NOL4: variants seen among roughly 807,000 people sequenced by gnomAD.
NOL4 encodes the protein cancer/testis antigen 125.
Under a neutral mutation model 75.9 loss-of-function variants are expected in NOL4, and 17 were observed. The observed-to-expected ratio is 0.22, with a 90% confidence interval of 0.15 to 0.34. NOL4 has a LOEUF of 0.34. Among genes scored for constraint, NOL4 ranks in the 10% least tolerant of loss-of-function variants. NOL4 has a pLI of 1.00. For missense variants in NOL4, 614 were observed against 793.5 expected (o/e 0.77, Z 2.72); for synonymous variants, 292 against 289.9 (o/e 1.01, Z -0.07).
intron 9 of NOL4, among the ~76,000 whole-genome samples, chr18:33,916,820 C>T (rs2066748200): frequency 6.6e-6 from 1 of 152,074 alleles, no homozygotes; most frequent in Admixed American, 6.6e-5. Flanking sequence ...GTTTTTTAAT[C>T]TTCTAAACTT....
Position 33,944,450 on chromosome 18 carries a change from G to C in NOL4, c.1429-1272C>G, listed in dbSNP as rs531548615. On this transcript the variant is annotated intron_variant, in intron 8 of 10. Coordinates refer to ENST00000261592, the MANE Select transcript of NOL4 (RefSeq NM_003787.5). The stretch of plus-strand genomic sequence containing the variant: ...TAGACAGAGACCAGGCTCTGACCTT[G>C]GGTGAACTAGGAAGCAATTTCTGCA... Among the ~76,000 whole-genome samples, 4 of 151,928 alleles carry C rather than the reference G, an allele frequency of 2.6e-5. No homozygotes were observed. In the East Asian group the frequency reaches 7.8e-4, roughly 29 times the overall value.
At position 34,019,406 on chromosome 18, in the gene NOL4, T is replaced by G; in HGVS notation, c.968A>C (p.Asp323Ala). The change falls in exon 6 of 11, where the codon GAT becomes GCT. Residue 323 changes from aspartate (D) to alanine (A), a missense_variant. Transcript: ENST00000261592. ...AQLTSEYRID[D>A]HNSNGKNKYK... ...CTTGTTTTTCCCATTACTGTTGTGATCATCTATTCTGTATTCCGAAGTTAG... is the reference window on the plus strand; with the variant it reads ...CTTGTTTTTCCCATTACTGTTGTGAGCATCTATTCTGTATTCCGAAGTTAG... 6.2e-7 allele frequency: 1 copy of G among 1,614,060 alleles called. No individual in the cohort carries two copies. The highest frequency in any genetic ancestry group is 2.2e-5 in the East Asian group (1 of 44,846).
At chr18:34,074,778 T>C (rs1307379587) in intron 5 of NOL4, among the ~76,000 whole-genome samples, 27 of 152,124 alleles carry the variant, frequency 1.8e-4, no homozygotes, top group Admixed American at 1.7e-3. Flanking sequence ...AATAAAGTAG[T>C]ATTTCTGTTA....
chr18:33,987,069 T>C (rs1041824124), intron 6 of NOL4, among the ~76,000 whole-genome samples: 2 of 152,094 alleles, frequency 1.3e-5, no homozygotes, highest in Non-Finnish European at 2.9e-5. Flanking sequence ...GGGATATTTT[T>C]TGGGATTTTA....
At chr18:34,035,482 T>G (rs983506950) in intron 5 of NOL4, among the ~76,000 whole-genome samples, 7 of 152,070 alleles carry the variant, frequency 4.6e-5, no homozygotes, top group Non-Finnish European at 8.8e-5. Flanking sequence ...GAGGGAATAT[T>G]ATAGCAATAA....
intron 10 of NOL4, among the ~76,000 whole-genome samples, chr18:33,878,475 G>T (rs2064064346): frequency 6.6e-6 from 1 of 152,050 alleles, no homozygotes; most frequent in Admixed American, 6.6e-5. Flanking sequence ...TCCATGCTTA[G>T]GTTAATTCTC....
chr18:34,016,574 A>G (rs2074707947), intron 6 of NOL4, among the ~76,000 whole-genome samples: 1 of 152,024 alleles, frequency 6.6e-6, no homozygotes, highest in Admixed American at 6.6e-5. Flanking sequence ...TCTGTGCCTT[A>G]AAACATGCTT....
intron 1 of NOL4, among the ~76,000 whole-genome samples, chr18:34,171,158 A>G (rs765029094): frequency 6.6e-6 from 1 of 152,138 alleles, no homozygotes; most frequent in African/African-American, 2.4e-5. Context: ...TATTAGTTCA[A>G]TTCAGGTTTA....
chr18:33,924,294 G>C (rs1359345157), intron 9 of NOL4, among the ~76,000 whole-genome samples: 1 of 152,188 alleles, frequency 6.6e-6, no homozygotes, highest in Admixed American at 6.5e-5. Flanking sequence ...AGAACTAAAT[G>C]CTGGGACATT....
At position 33,940,875 on chromosome 18, in the gene NOL4, T is replaced by C. The variant is rs115039932; in HGVS notation, c.1542+2190A>G. On this transcript the variant is annotated intron_variant, in intron 9 of 10. Coordinates refer to ENST00000261592, the MANE Select transcript of NOL4 (RefSeq NM_003787.5). Reference sequence around the variant, plus strand: ...CCAAGGACCACTGGTCCTCATTCATTCTAGTCCCTACTCCTGGTGCAGGAG... The same window carrying C: ...CCAAGGACCACTGGTCCTCATTCATCCTAGTCCCTACTCCTGGTGCAGGAG... Among the ~76,000 whole-genome samples the C allele has an allele frequency of 3.3e-3, 497 of 152,044 alleles. 2 individuals are homozygous for C. Among genetic ancestry groups the C allele is most frequent in the African/African-American group, 0.012 (479 of 41,514 alleles).
chr18:33,972,501 C>T (rs776505464), intron 6 of NOL4, among the ~76,000 whole-genome samples: 24 of 152,070 alleles, frequency 1.6e-4, no homozygotes, highest in African/African-American at 5.3e-4. Context: ...GGAACCCTTG[C>T]GCACTATTGG....
intron 9 of NOL4, among the ~76,000 whole-genome samples, chr18:33,932,768 G>A (rs2067786478): frequency 6.6e-6 from 1 of 151,954 alleles, no homozygotes. Context: ...CCCATCCTGA[G>A]CAATTCTGTG....
chr18:34,065,124 A>C (rs2077220709), intron 5 of NOL4, among the ~76,000 whole-genome samples: 1 of 151,976 alleles, frequency 6.6e-6, no homozygotes, highest in African/African-American at 2.4e-5. Context: ...GTCCTTTAGC[A>C]GAGAAAGGAG....
chr18:33,982,884 G>C (rs1395233370), intron 6 of NOL4, among the ~76,000 whole-genome samples: 1 of 151,484 alleles, frequency 6.6e-6, no homozygotes, highest in Non-Finnish European at 1.5e-5. Context: ...CCACGTAGCT[G>C]GGATTGCAGG....
At chr18:33,939,239 A>G (rs916493333) in intron 9 of NOL4, among the ~76,000 whole-genome samples, 4 of 152,114 alleles carry the variant, frequency 2.6e-5, no homozygotes, top group Non-Finnish European at 5.9e-5. Flanking sequence ...CTTTTTGCTT[A>G]GGATTGTCTT....
In NOL4 at chr18:34,025,155, T is replaced by C. The variant is rs74952834; in HGVS notation, c.773-5554A>G. ...AAAGAAGCCAAAAGCCAAATATTCTTTCCCTTTATCAAAACTAATAAACAA... is the reference window on the plus strand; with the variant it reads ...AAAGAAGCCAAAAGCCAAATATTCTCTCCCTTTATCAAAACTAATAAACAA... On this transcript the variant is annotated intron_variant, in intron 5 of 10. Transcript: ENST00000261592. 1.7e-3 allele frequency among the ~76,000 whole-genome samples: 252 copies of C among 152,294 alleles called. 4 individuals are homozygous for C. The East Asian group carries it at 0.041, about 25-fold the overall frequency.
At chr18:33,936,407 GT>G (rs11350261) in intron 9 of NOL4, among the ~76,000 whole-genome samples, 72,111 of 124,670 alleles carry the variant, frequency 0.58, 19,355 homozygotes, top group African/African-American at 0.62. Context: ...TTAGCAGTGA[GT>G]TTTTTTTTTT....
At chr18:34,139,305 C>T (rs1436889348) in intron 1 of NOL4, among the ~76,000 whole-genome samples, 7 of 152,116 alleles carry the variant, frequency 4.6e-5, no homozygotes, top group Non-Finnish European at 8.8e-5. Flanking sequence ...TCTGTCTGGT[C>T]CTGGACTTTT....
chr18:34,055,269 A>G (rs2076789027), intron 5 of NOL4, among the ~76,000 whole-genome samples: 1 of 151,976 alleles, frequency 6.6e-6, no homozygotes, highest in Non-Finnish European at 1.5e-5. Flanking sequence ...TCTTTGAAGG[A>G]CTCACTTATA....
Sources: allele counts gnomAD v4.1 joint callset (sites outside exome capture counted in the v4.1 genomes callset), GRCh38; gene constraint gnomAD v4.1.1; transcripts MANE v1.5; gene names NCBI Gene and HGNC (gene_info 2026-07-23, HGNC 2026-07-21).